EPHA6: variants seen among roughly 807,000 people sequenced by gnomAD.
EPHA6 encodes ephrin type-A receptor 6.
A neutral mutation model predicts 112.0 loss-of-function variants in EPHA6; 50 were observed. The observed-to-expected ratio is 0.45, with a 90% CI of 0.36 to 0.56. The LOEUF (loss-of-function observed/expected upper bound fraction) is 0.56, where lower values mean the gene tolerates loss of function less well. Ranked by LOEUF, EPHA6 falls within the 20% of genes least tolerant of loss-of-function variation. The probability of loss-of-function intolerance (pLI) is 0.00; values close to 1 mark genes in which losing one functional copy is unlikely to be tolerated. For missense variants in EPHA6, 1,280 were observed against 1,417.4 expected, an observed-to-expected ratio of 0.90 and a Z score of 1.56; for synonymous variants, 529 against 490.7, an observed-to-expected ratio of 1.08 and a Z score of -1.03.
intron 1 of EPHA6, among the ~76,000 whole-genome samples, chr3:96,828,134 C>T (rs1370146976): frequency 1.3e-5 from 2 of 151,830 alleles, no homozygotes; most frequent in Non-Finnish European, 2.9e-5. Flanking sequence ...AATCAGTTGC[C>T]CCCATCCCTG....
At position 97,748,874 on chromosome 3, in the gene EPHA6, C is replaced by T. The variant is rs1260292372; in HGVS notation, c.*173C>T. On this transcript the variant is annotated 3_prime_UTR_variant, in exon 18 of 18. Coordinates refer to ENST00000389672, the MANE Select transcript of EPHA6 (RefSeq NM_001080448.3). ...TTCCAACCAGGATTTTAAAATCATG[C>T]TACATAAATCCGTTCTGAATAACCT... 6 of 584,352 alleles carry T rather than the reference C, an allele frequency of 1.0e-5. No homozygotes were observed. The highest frequency in any genetic ancestry group is 1.9e-5 in the Non-Finnish European group (6 of 324,164). 36.2% of individuals were successfully genotyped at this position (584,352 alleles called of 1,614,324 possible).
intron 9 of EPHA6, chr3:97,481,048 G>A (rs1296896163): frequency 4.8e-6 from 2 of 413,010 alleles, no homozygotes; most frequent in Non-Finnish European, 4.6e-6. Flanking sequence ...GCCAGGCAGA[G>A]AGGCTCCTCA....
chr3:97,094,840 TTAA>T (rs2047186396), intron 3 of EPHA6, among the ~76,000 whole-genome samples: 1 of 152,128 alleles, frequency 6.6e-6, no homozygotes, highest in Non-Finnish European at 1.5e-5. Context: ...TGCTGAAATG[TTAA>T]AGAGTGTAGC....
At chr3:97,071,200 T>A (rs2046343336) in intron 3 of EPHA6, among the ~76,000 whole-genome samples, 1 of 152,014 alleles carries the variant, frequency 6.6e-6, no homozygotes, top group South Asian at 2.1e-4. Flanking sequence ...CTTGCTATAC[T>A]GTTCACTCTT....
chr3:96,884,487 A>G (rs892853322), intron 2 of EPHA6, among the ~76,000 whole-genome samples: 11 of 151,938 alleles, frequency 7.2e-5, no homozygotes, highest in African/African-American at 1.9e-4. Context: ...TTTTGCAGCT[A>G]TTGTACAAGG....
intron 2 of EPHA6, among the ~76,000 whole-genome samples, chr3:96,886,048 G>A (rs2037601972): frequency 6.6e-6 from 1 of 152,128 alleles, no homozygotes; most frequent in Non-Finnish European, 1.5e-5. Context: ...GTTCCTCTTG[G>A]AGTTGATTTC....
intron 3 of EPHA6, among the ~76,000 whole-genome samples, chr3:97,180,082 T>C (rs1268440128): frequency 6.6e-6 from 1 of 152,046 alleles, no homozygotes; most frequent in Non-Finnish European, 1.5e-5. Flanking sequence ...TATAAGTGCA[T>C]CTAAGCTGGC....
At chr3:97,634,197 A>C (rs2093926828) in intron 13 of EPHA6, among the ~76,000 whole-genome samples, 1 of 152,098 alleles carries the variant, frequency 6.6e-6, no homozygotes, top group African/African-American at 2.4e-5. Flanking sequence ...GATGAAGATA[A>C]TCACTACGTT....
chr3:97,756,361 T>C lies in EPHA6; in HGVS notation c.*7660T>C, dbSNP rs1004220649. Reference sequence around the variant, plus strand: ...GTGATTGATATGCTCATTGTTAAATTTAACTTGTTTAAATATCCATTGGTA... The same window carrying C: ...GTGATTGATATGCTCATTGTTAAATCTAACTTGTTTAAATATCCATTGGTA... On this transcript the variant is annotated 3_prime_UTR_variant, in exon 18 of 18. Transcript: ENST00000389672. 2.0e-5 allele frequency among the ~76,000 whole-genome samples: 3 copies of C among 151,974 alleles called. No individual in the cohort carries two copies. Among genetic ancestry groups the C allele is most frequent in the African/African-American group, 7.2e-5 (3 of 41,448 alleles).
chr3:97,750,643 C>CCT lies in EPHA6; in HGVS notation c.*1943_*1944insTC, dbSNP rs1286716873. On this transcript the variant is annotated 3_prime_UTR_variant, in exon 18 of 18. Transcript: ENST00000389672. ...GTGCTGAGATTACAGGCGTGAGCCACCGCGCCTGGCCATTTTTTTCTTATA... is the reference window on the plus strand; with the variant it reads ...GTGCTGAGATTACAGGCGTGAGCCACCTCGCGCCTGGCCATTTTTTTCTTATA... Among the ~76,000 whole-genome samples, 1 of 152,148 alleles carries CCT rather than the reference C, an allele frequency of 6.6e-6. No homozygotes were observed. The highest frequency in any genetic ancestry group is 1.5e-5 in the Non-Finnish European group (1 of 68,026).
At chr3:96,900,762 C>G (rs776571146) in intron 2 of EPHA6, among the ~76,000 whole-genome samples, 1 of 152,226 alleles carries the variant, frequency 6.6e-6, no homozygotes, top group Non-Finnish European at 1.5e-5. Context: ...CTCTGTCAGT[C>G]ATGGCCCTTC....
intron 11 of EPHA6, among the ~76,000 whole-genome samples, chr3:97,580,371 A>G (rs972255913): frequency 6.6e-6 from 1 of 152,220 alleles, no homozygotes; most frequent in Non-Finnish European, 1.5e-5. Context: ...TGTTAAGTGA[A>G]CCAATAATCT....
intron 1 of EPHA6, 123 bp from the exon 2 acceptor site, chr3:96,866,700 CTT>C: frequency 4.4e-6 from 2 of 456,618 alleles, no homozygotes; most frequent in Admixed American, 8.5e-5. Context: ...ACTCATTAAA[CTT>C]AATTCAGTGA....
At chr3:97,414,650 T>G (rs377230906) in intron 6 of EPHA6, among the ~76,000 whole-genome samples, 1 of 152,088 alleles carries the variant, frequency 6.6e-6, no homozygotes, top group Non-Finnish European at 1.5e-5. Context: ...AACCTAAGTC[T>G]GTATTCTGCT....
At chr3:97,417,762 G>A (rs1290158666) in intron 6 of EPHA6, among the ~76,000 whole-genome samples, 1 of 152,126 alleles carries the variant, frequency 6.6e-6, no homozygotes, top group Non-Finnish European at 1.5e-5. Flanking sequence ...TTGATTCTGC[G>A]ACTTTGGTGC....
At chr3:96,883,471 G>T (rs2037438986) in intron 2 of EPHA6, among the ~76,000 whole-genome samples, 1 of 152,096 alleles carries the variant, frequency 6.6e-6, no homozygotes, top group Admixed American at 6.6e-5. Context: ...TTGGGTTCAT[G>T]GTCATGAAAT....
chr3:96,958,720 T>A (rs902874529), intron 2 of EPHA6, among the ~76,000 whole-genome samples: 1 of 152,206 alleles, frequency 6.6e-6, no homozygotes. Context: ...ATAAATGGAA[T>A]CATGCAATAT....
intron 3 of EPHA6, among the ~76,000 whole-genome samples, chr3:97,076,048 A>G (rs767050039): frequency 3.2e-4 from 49 of 152,184 alleles, no homozygotes; most frequent in Non-Finnish European, 5.1e-4. Flanking sequence ...AATTAGGCCA[A>G]TTAATTACCC....
intron 1 of EPHA6, among the ~76,000 whole-genome samples, chr3:96,831,996 C>T (rs1354333221): frequency 6.6e-6 from 1 of 152,022 alleles, no homozygotes; most frequent in Non-Finnish European, 1.5e-5. Flanking sequence ...ATCTGATTGG[C>T]CTTGAGTGGG....
Sources: gnomAD v4.1 joint callset for allele counts (sites outside exome capture counted in the v4.1 genomes callset) on GRCh38, gnomAD v4.1.1 for gene constraint, MANE v1.5 for transcripts, NCBI Gene and HGNC (gene_info 2026-07-23, HGNC 2026-07-21) for gene names.